The following ANKS1B variants were observed in gnomAD, a reference collection of about 807,000 sequenced individuals.
ANKS1B encodes the protein ankyrin repeat and sterile alpha motif domain containing 1B.
In ANKS1B, 36 loss-of-function variants were observed where a neutral mutation model predicts 148.3. That is an observed-to-expected ratio of 0.24 (90% CI 0.19 to 0.32). The LOEUF is 0.32. ANKS1B is among the 10% of genes least tolerant of loss of function. ANKS1B has a pLI of 1.00. For synonymous variants in ANKS1B, 542 were observed against 560.8 expected (o/e 0.97, Z 0.47); for missense variants, 1,157 against 1,542.6 (o/e 0.75, Z 4.19).
intron 9 of ANKS1B, among the ~76,000 whole-genome samples, chr12:99,581,700 C>T (rs1229144609): frequency 1.3e-5 from 2 of 151,424 alleles, no homozygotes; most frequent in African/African-American, 4.9e-5. Flanking sequence ...ACCATCCTGG[C>T]TAACAAGGTG....
At chr12:99,373,240 G>A (rs2093235128) in intron 12 of ANKS1B, among the ~76,000 whole-genome samples, 1 of 152,128 alleles carries the variant, frequency 6.6e-6, no homozygotes. Flanking sequence ...AGGCCATTAT[G>A]TGCATGTAAC....
At chr12:99,638,617 T>C (rs1278104322) in intron 9 of ANKS1B, among the ~76,000 whole-genome samples, 1 of 151,992 alleles carries the variant, frequency 6.6e-6, no homozygotes, top group African/African-American at 2.4e-5. Context: ...AGCCTGACAA[T>C]GTGGTAGAAG....
chr12:99,651,012 T>C (rs2098415772), intron 9 of ANKS1B, among the ~76,000 whole-genome samples: 1 of 152,188 alleles, frequency 6.6e-6, no homozygotes, highest in Non-Finnish European at 1.5e-5. Flanking sequence ...ATTTGATACA[T>C]GTTTGCTGGA....
intron 9 of ANKS1B, among the ~76,000 whole-genome samples, chr12:99,573,767 C>A (rs2097487050): frequency 1.3e-5 from 2 of 151,936 alleles, no homozygotes. Context: ...AGAAAATCTA[C>A]TTGTATCAGG....
At chr12:99,462,428 C>G (rs996820876) in intron 10 of ANKS1B, among the ~76,000 whole-genome samples, 1 of 152,228 alleles carries the variant, frequency 6.6e-6, no homozygotes, top group Non-Finnish European at 1.5e-5. Flanking sequence ...TTCATCACAG[C>G]CTGATCTCTC....
intron 11 of ANKS1B, among the ~76,000 whole-genome samples, chr12:99,430,028 C>T (rs1252236953): frequency 6.7e-6 from 1 of 149,992 alleles, no homozygotes; most frequent in Non-Finnish European, 1.5e-5. Context: ...AGAACAGCAA[C>T]TTACTCACAA....
chr12:99,900,114 G>C (rs149288648), intron 1 of ANKS1B, among the ~76,000 whole-genome samples: 1 of 151,872 alleles, frequency 6.6e-6, no homozygotes. Flanking sequence ...GACCAGGCTG[G>C]TCTCAAACTC....
intron 1 of ANKS1B, among the ~76,000 whole-genome samples, chr12:99,980,489 T>C (rs1173102191): frequency 1.3e-5 from 2 of 152,008 alleles, no homozygotes; most frequent in East Asian, 1.9e-4. Context: ...GATCATACTA[T>C]AAATGCTTCT....
chr12:99,849,565 A>C (rs2087340398), intron 1 of ANKS1B, among the ~76,000 whole-genome samples: 1 of 152,210 alleles, frequency 6.6e-6, no homozygotes, highest in African/African-American at 2.4e-5. Context: ...AACATGTACA[A>C]GCATGTACAG....
At chr12:99,343,808 T>G (rs544130606) in intron 12 of ANKS1B, 1 of 152,144 alleles carries the variant, frequency 6.6e-6, no homozygotes, top group East Asian at 1.9e-4. Flanking sequence ...ACCCTTATGC[T>G]CCAATGAAAT....
chr12:98,866,983 A>C (rs895357732), intron 17 of ANKS1B, among the ~76,000 whole-genome samples: 1 of 152,236 alleles, frequency 6.6e-6, no homozygotes, highest in Non-Finnish European at 1.5e-5. Flanking sequence ...ATACTACATA[A>C]GTTTTGGTCA....
At chr12:99,449,303 TTCA>T (rs1210372973) in intron 10 of ANKS1B, among the ~76,000 whole-genome samples, 2 of 152,174 alleles carry the variant, frequency 1.3e-5, no homozygotes, top group Non-Finnish European at 2.9e-5. Flanking sequence ...CGCTGTTAGT[TTCA>T]TCATCAATTC....
chr12:99,435,635 G>A (rs2095447647), intron 11 of ANKS1B, among the ~76,000 whole-genome samples: 1 of 151,948 alleles, frequency 6.6e-6, no homozygotes, highest in Non-Finnish European at 1.5e-5. Context: ...AAGCAGGCAA[G>A]GCAAATACCA....
Position 99,357,049 on chromosome 12 carries a change from C to T in ANKS1B, c.1756+42582G>A, listed in dbSNP as rs547063717. Among the ~76,000 whole-genome samples, 14 of 151,316 alleles carry T rather than the reference C, an allele frequency of 9.3e-5. No homozygotes were observed. In the East Asian group the frequency reaches 2.7e-3, roughly 29 times the overall value. ...GTGACAAACCTATCAAATGCCTCCT[C>T]GTCAACTGAGAATCTAGTGAAGGAA... is the stretch of plus-strand genomic sequence containing the variant. On this transcript the variant is annotated intron_variant, in intron 12 of 26. Transcript: ENST00000683438.
intron 14 of ANKS1B, among the ~76,000 whole-genome samples, chr12:99,213,219 C>T (rs7980814): frequency 0.068 from 10,422 of 152,264 alleles, 1,185 homozygotes; most frequent in African/African-American, 0.24. Context: ...TTTCAGCATC[C>T]GCACGGCCTG....
At chr12:99,583,013 A>C (rs1270525116) in intron 9 of ANKS1B, among the ~76,000 whole-genome samples, 4 of 152,124 alleles carry the variant, frequency 2.6e-5, no homozygotes, top group Non-Finnish European at 4.4e-5. Flanking sequence ...AACACCTCTA[A>C]ATCTAGATAT....
At chr12:99,903,427 T>C (rs2093668901) in intron 1 of ANKS1B, among the ~76,000 whole-genome samples, 1 of 152,148 alleles carries the variant, frequency 6.6e-6, no homozygotes, top group Non-Finnish European at 1.5e-5. Context: ...ATGCTGATGG[T>C]AAAGTTCCTA....
intron 1 of ANKS1B, among the ~76,000 whole-genome samples, chr12:99,935,066 C>T (rs2094725291): frequency 6.6e-6 from 1 of 151,832 alleles, no homozygotes; most frequent in Non-Finnish European, 1.5e-5. Context: ...AAGCATAAAC[C>T]ATATATAAAA....
chr12:99,420,414 T>C (rs1036272755), intron 11 of ANKS1B, among the ~76,000 whole-genome samples: 4 of 152,170 alleles, frequency 2.6e-5, no homozygotes, highest in Non-Finnish European at 5.9e-5. Context: ...TGTGAATAAA[T>C]TTAAGATGGT....
Sources: allele counts gnomAD v4.1 joint callset (sites outside exome capture counted in the v4.1 genomes callset), GRCh38; gene constraint gnomAD v4.1.1; transcripts MANE v1.5; gene names NCBI Gene and HGNC (gene_info 2026-07-23, HGNC 2026-07-21).